Variants in DCAF6 observed in about 807,000 individuals in gnomAD.
DCAF6 encodes DDB1 and CUL4 associated factor 6.
In DCAF6, 54 loss-of-function variants were observed where a neutral mutation model predicts 125.1. The ratio of observed to expected loss-of-function variants is 0.43; its 90% CI spans 0.35 to 0.54. The LOEUF (loss-of-function observed/expected upper bound fraction) is 0.54, where lower values mean the gene tolerates loss of function less well. Among genes scored for constraint, DCAF6 ranks in the 20% least tolerant of loss-of-function variants. DCAF6 has a pLI of 0.01. For missense variants in DCAF6, 934 were observed against 1,161.7 expected, an observed-to-expected ratio of 0.80 and a Z score of 2.85; for synonymous variants, 371 against 390.4, an observed-to-expected ratio of 0.95 and a Z score of 0.58.
the DCAF6 span, among the ~76,000 whole-genome samples, chr1:167,913,068 T>G: frequency 6.6e-6 from 1 of 152,202 alleles, no homozygotes; most frequent in African/African-American, 2.4e-5. Flanking sequence ...TCAATGCATG[T>G]TGATGGTACC....
chr1:168,060,173 A>G (rs1408379794), intron 17 of DCAF6, among the ~76,000 whole-genome samples: 1 of 151,954 alleles, frequency 6.6e-6, no homozygotes, highest in Non-Finnish European at 1.5e-5. Flanking sequence ...TGGCCCGTAG[A>G]TATTTTGAGT....
intron 10 of DCAF6, among the ~76,000 whole-genome samples, chr1:168,014,792 A>G (rs1684739216): frequency 6.6e-6 from 1 of 151,818 alleles, no homozygotes; most frequent in Non-Finnish European, 1.5e-5. Flanking sequence ...CACCTGGAAC[A>G]CTCTTCCTCC....
chr1:167,958,716 A>G (rs895753636), intron 2 of DCAF6, among the ~76,000 whole-genome samples: 5 of 152,158 alleles, frequency 3.3e-5, no homozygotes, highest in African/African-American at 1.2e-4. Context: ...TTAACGCTTT[A>G]TTTTGAATTT....
intron 7 of DCAF6, among the ~76,000 whole-genome samples, chr1:167,997,105 G>A (rs1681835326): frequency 6.6e-6 from 1 of 151,984 alleles, no homozygotes; most frequent in South Asian, 2.1e-4. Context: ...ACATATAAAA[G>A]GTGCTCAAAA....
intron 3 of DCAF6, among the ~76,000 whole-genome samples, chr1:167,968,251 G>T (rs1676738267): frequency 6.6e-6 from 1 of 152,136 alleles, no homozygotes; most frequent in Non-Finnish European, 1.5e-5. Context: ...AGGCTTGGCT[G>T]CTAAAAAGTA....
the DCAF6 span, among the ~76,000 whole-genome samples, chr1:167,868,083 G>A: frequency 6.6e-6 from 1 of 152,190 alleles, no homozygotes; most frequent in Non-Finnish European, 1.5e-5. Context: ...GAGGAGGTTC[G>A]TAAACTCTCT....
At chr1:168,056,338 T>TCGGCG in intron 17 of DCAF6, 1 of 1,595,876 alleles carries the variant, frequency 6.3e-7, no homozygotes, top group Non-Finnish European at 8.5e-7. Flanking sequence ...TGCCAGGGCC[T>TCGGCG]CGGCGGGCAG....
intron 12 of DCAF6, among the ~76,000 whole-genome samples, chr1:168,037,104 C>CTTTT (rs60135464): frequency 7.7e-6 from 1 of 130,056 alleles, no homozygotes. Context: ...TCTCCCCCCC[C>CTTTT]TTTTTTTTTT....
intron 7 of DCAF6, among the ~76,000 whole-genome samples, chr1:167,999,268 C>T (rs1366449292): frequency 1.3e-5 from 2 of 152,080 alleles, no homozygotes. Flanking sequence ...GAGATGTGCC[C>T]TCATCCAGGC....
chr1:167,880,096 A>ATGACAAGG, the DCAF6 span: 1 of 1,606,134 alleles, frequency 6.2e-7, no homozygotes, highest in Admixed American at 1.7e-5. Flanking sequence ...AAAGCTGGAG[A>ATGACAAGG]TGAGCTGACC....
chr1:168,066,545 T>A (rs1346322178), intron 20 of DCAF6, 80 bp downstream of exon 20: 2 of 969,890 alleles, frequency 2.1e-6, no homozygotes, highest in African/African-American at 3.3e-5. Context: ...TTAAAAGTTA[T>A]TAGTTGCTAA....
At chr1:168,031,736 A>T (rs966030649) in intron 12 of DCAF6, among the ~76,000 whole-genome samples, 1 of 152,154 alleles carries the variant, frequency 6.6e-6, no homozygotes, top group Non-Finnish European at 1.5e-5. Flanking sequence ...ATACCTGAGG[A>T]AACAGTCATG....
rs550213598 is a variant in DCAF6 at position 167,968,412 on chromosome 1, C to G, written c.252+1691C>G. 5 of 152,472 alleles carry G rather than the reference C, an allele frequency of 3.3e-5. No homozygotes were observed. In the East Asian group the frequency reaches 9.6e-4, roughly 29 times the overall value. The allele number at this position is 152,472 out of a possible 1,614,324, so 9.4% of individuals were successfully genotyped here. ...GAGGGTGTCATGGCTCACTGGATGG[C>G]AGGGAAGTCTCTGTGATGTCATGCT... On this transcript the variant is annotated intron_variant, in intron 3 of 21. Transcript: ENST00000367840.
the DCAF6 span, among the ~76,000 whole-genome samples, chr1:167,910,276 T>C: frequency 6.6e-6 from 1 of 152,232 alleles, no homozygotes; most frequent in Non-Finnish European, 1.5e-5. Flanking sequence ...GCAATGCAAT[T>C]TTAAGATACA....
chr1:168,020,904 C>T (rs897091334), intron 11 of DCAF6, among the ~76,000 whole-genome samples: 7 of 152,042 alleles, frequency 4.6e-5, no homozygotes, highest in African/African-American at 1.7e-4. Flanking sequence ...AGAATGAAAG[C>T]AGTGACCAGG....
At chr1:167,865,841 A>T in the DCAF6 span, among the ~76,000 whole-genome samples, 4 of 152,132 alleles carry the variant, frequency 2.6e-5, no homozygotes, top group Non-Finnish European at 4.4e-5. Flanking sequence ...CCTTCCACTA[A>T]AGTGGTCCTC....
the DCAF6 span, among the ~76,000 whole-genome samples, chr1:167,909,453 G>A: frequency 6.6e-6 from 1 of 152,292 alleles, no homozygotes; most frequent in South Asian, 2.1e-4. Context: ...GTACAGGCTT[G>A]TCCAAGCTAT....
intron 7 of DCAF6, among the ~76,000 whole-genome samples, chr1:167,998,147 A>G (rs1358285319): frequency 2.0e-5 from 3 of 152,114 alleles, no homozygotes; most frequent in Non-Finnish European, 4.4e-5. Context: ...TAAATATTGC[A>G]TTAAAGCAAG....
chr1:168,011,111 ATTT>A (rs370763073), intron 10 of DCAF6, among the ~76,000 whole-genome samples: 3 of 110,348 alleles, frequency 2.7e-5, no homozygotes, highest in African/African-American at 3.6e-5. Flanking sequence ...GACCATCAGA[ATTT>A]TTTTTTTTTT....
Sources: allele counts gnomAD v4.1 joint callset (sites outside exome capture counted in the v4.1 genomes callset), GRCh38; gene constraint gnomAD v4.1.1; transcripts MANE v1.5; gene names NCBI Gene and HGNC (gene_info 2026-07-23, HGNC 2026-07-21).